The following FAM53A variants were observed in gnomAD, a reference collection of about 807,000 sequenced individuals.
FAM53A encodes the protein protein FAM53A.
FAM53A carries 28 observed loss-of-function variants against 26.6 expected under a neutral mutation model. The ratio of observed to expected loss-of-function variants is 1.05; its 90% CI spans 0.78 to 1.45. FAM53A has a LOEUF of 1.45. Ranked by LOEUF, FAM53A falls within the 40% of genes most tolerant of loss-of-function variation. FAM53A has a pLI of 0.00. For synonymous variants in FAM53A, 290 were observed against 253.1 expected, an observed-to-expected ratio of 1.15 and a Z score of -1.38; for missense variants, 650 against 575.8, an observed-to-expected ratio of 1.13 and a Z score of -1.32.
chr4:1,629,087 G>A (rs369451094), intron 1 of FAM53A, among the ~76,000 whole-genome samples: 1 of 151,980 alleles, frequency 6.6e-6, no homozygotes, highest in South Asian at 2.1e-4. Context: ...TGCGTTGGGG[G>A]ACAGCACCTC....
the FAM53A span, among the ~76,000 whole-genome samples, chr4:1,607,074 A>G: frequency 2.0e-5 from 3 of 152,308 alleles, no homozygotes; most frequent in African/African-American, 7.2e-5. Context: ...GCTGGAGTGC[A>G]GTGGCCCGAT....
chr4:1,667,722 T>TACAAATGCAACGTGCCC (rs1714336717), intron 2 of FAM53A, among the ~76,000 whole-genome samples: 1 of 151,962 alleles, frequency 6.6e-6, no homozygotes, highest in Non-Finnish European at 1.5e-5. Context: ...CGCAAGGGGC[T>TACAAATGCAACGTGCCC]ACAAATGCAA....
At chr4:1,634,057 G>A (rs1715730997) in intron 1 of FAM53A, among the ~76,000 whole-genome samples, 1 of 152,168 alleles carries the variant, frequency 6.6e-6, no homozygotes, top group Non-Finnish European at 1.5e-5. Flanking sequence ...GGGGCTCTCT[G>A]GCAGTGAGTA....
the FAM53A span, among the ~76,000 whole-genome samples, chr4:1,608,173 C>T: frequency 6.8e-6 from 1 of 148,122 alleles, no homozygotes; most frequent in South Asian, 2.2e-4. Context: ...AAAACCCCAG[C>T]TCAGCCACTG....
chr4:1,668,849 T>C lies in FAM53A; in HGVS notation c.-108A>G. The stretch of plus-strand genomic sequence containing the variant: ...GGGTCAGCCAAATCTCAAGGTCATG[T>C]CTCCACTTTCTTTACAGATGAGCAG... On this transcript the variant is annotated 5_prime_UTR_variant, in exon 2 of 5. Coordinates refer to ENST00000308132, the MANE Select transcript of FAM53A (RefSeq NM_001174070.3). The C allele has an allele frequency of 2.0e-6, 2 of 999,926 alleles. No individual in the cohort carries two copies. The highest frequency in any genetic ancestry group is 2.5e-5 in the East Asian group (1 of 40,554). 61.9% of individuals were successfully genotyped at this position (999,926 alleles called of 1,614,324 possible).
At chr4:1,624,688 C>T (rs955529703) in intron 1 of FAM53A, among the ~76,000 whole-genome samples, 2 of 152,216 alleles carry the variant, frequency 1.3e-5, no homozygotes, top group African/African-American at 4.8e-5. Flanking sequence ...GGTACCGCCA[C>T]GCTGCGGGTC....
downstream of FAM53A, among the ~76,000 whole-genome samples, chr4:1,614,687 G>A (rs77367199): frequency 0.087 from 13,212 of 152,180 alleles, 623 homozygotes; most frequent in Middle Eastern, 0.19. Context: ...GGCAGCCCAG[G>A]GGAGGTTCCT....
At chr4:1,627,837 C>A (rs1233264652) in intron 1 of FAM53A, among the ~76,000 whole-genome samples, 2 of 151,876 alleles carry the variant, frequency 1.3e-5, no homozygotes, top group Non-Finnish European at 2.9e-5. Flanking sequence ...ATGCAGGGGG[C>A]CTGGAGCTTG....
intron 1 of FAM53A, among the ~76,000 whole-genome samples, chr4:1,674,337 G>A (rs764053102): frequency 1.3e-5 from 2 of 152,124 alleles, no homozygotes; most frequent in African/African-American, 4.8e-5. Flanking sequence ...GGTTAGAGCC[G>A]ACTCTAATCA....
the FAM53A span, among the ~76,000 whole-genome samples, chr4:1,584,777 T>A: frequency 1.3e-5 from 2 of 152,244 alleles, no homozygotes; most frequent in Non-Finnish European, 2.9e-5. Flanking sequence ...CTATGGCAAG[T>A]GTCCCAAGAG....
At chr4:1,675,249 C>T (rs566900833) in intron 1 of FAM53A, among the ~76,000 whole-genome samples, 13 of 152,286 alleles carry the variant, frequency 8.5e-5, no homozygotes, top group African/African-American at 2.6e-4. Flanking sequence ...GTCCCTGCCA[C>T]CAACAGGTGA....
chr4:1,629,365 C>T (rs892494289), intron 1 of FAM53A, among the ~76,000 whole-genome samples: 32 of 152,220 alleles, frequency 2.1e-4, no homozygotes, highest in African/African-American at 5.5e-4. Context: ...CCAGACCACC[C>T]GGCAGCTGGG....
upstream of FAM53A, among the ~76,000 whole-genome samples, chr4:1,684,498 A>G (rs1044987390): frequency 4.7e-5 from 7 of 150,084 alleles, no homozygotes; most frequent in Non-Finnish European, 1.0e-4. Flanking sequence ...CCGAGTCCGC[A>G]GCGCGCCCTG....
chr4:1,641,439 T>A lies in FAM53A; in HGVS notation c.1051A>T (p.Asn351Tyr), dbSNP rs1205654645. 2.5e-6 allele frequency: 4 copies of A among 1,613,458 alleles called. No homozygotes were observed. The Middle Eastern group carries it at 4.9e-4, about 199-fold the overall frequency. ...ACCGACTCCCTAGAGGCCCACAGGT[T>A]GGGGTGGACAGGGCTGGTCCTGAGG... ...RGLRTSPVHP[N>Y]LWASRESVTS... Residue 351 changes from asparagine (N) to tyrosine (Y), a missense_variant, in exon 5 of 5, where the codon AAC (asparagine) becomes TAC (tyrosine). Physicochemically the swap from Asn to Tyr is moderately radical, Grantham distance 143. Coordinates refer to ENST00000308132, the MANE Select transcript of FAM53A (RefSeq NM_001174070.3).
At chr4:1,610,639 AT>A in the FAM53A span, among the ~76,000 whole-genome samples, 35,224 of 149,786 alleles carry the variant, frequency 0.24, 4,634 homozygotes, top group Non-Finnish European at 0.29. Context: ...CTTGGGAGGG[AT>A]TCCGCGACGT....
intron 2 of FAM53A, among the ~76,000 whole-genome samples, chr4:1,666,895 C>T (rs897113958): frequency 8.6e-5 from 13 of 151,932 alleles, no homozygotes; most frequent in African/African-American, 2.7e-4. Flanking sequence ...TTTGGGAGGC[C>T]GAGGCAGGCA....
At chr4:1,679,605 G>C (rs993940613) in intron 1 of FAM53A, among the ~76,000 whole-genome samples, 1 of 146,430 alleles carries the variant, frequency 6.8e-6, no homozygotes, top group African/African-American at 2.6e-5. Flanking sequence ...AGAATCCCTT[G>C]AACCCAGGAG....
Position 1,630,597 on chromosome 4 carries a change from C to T in FAM53A, c.432-12486G>A, listed in dbSNP as rs1054877918. Among the ~76,000 whole-genome samples, 1 of 152,190 alleles carries T rather than the reference C, an allele frequency of 6.6e-6. No homozygotes were observed. The highest frequency in any genetic ancestry group is 1.5e-5 in the Non-Finnish European group (1 of 68,034). On this transcript the variant is annotated intron_variant, in intron 1 of 1. Transcript: ENST00000489029. This position sits in a 1 kb window ranked among gnomAD's most constrained non-coding sequence, Gnocchi z 4.3. ...ACACCTGAGGCAGGCTCAGCAATTC[C>T]CCTCAGCCTCACCGCCACTCCCAAG... is the stretch of plus-strand genomic sequence containing the variant.
chr4:1,596,672 C>T, the FAM53A span, among the ~76,000 whole-genome samples: 1 of 152,220 alleles, frequency 6.6e-6, no homozygotes, highest in East Asian at 1.9e-4. Flanking sequence ...CCGCCGCGGG[C>T]TGCTGTGGCC....
Sources: gnomAD v4.1 joint callset for allele counts (sites outside exome capture counted in the v4.1 genomes callset) on GRCh38, gnomAD v4.1.1 for gene constraint, Gnocchi (gnomAD v3.1) non-coding constraint, MANE v1.5 for transcripts, NCBI Gene and HGNC (gene_info 2026-07-23, HGNC 2026-07-21) for gene names.